C1GALT1: variants seen among roughly 807,000 people sequenced by gnomAD.
The protein encoded by C1GALT1 is core 1 synthase, glycoprotein-N-acetylgalactosamine 3-beta-galactosyltransferase 1.
Under a neutral mutation model 31.0 loss-of-function variants are expected in C1GALT1, and 11 were observed. The observed-to-expected ratio is 0.36, with a 90% CI of 0.22 to 0.59. The LOEUF (loss-of-function observed/expected upper bound fraction) is 0.59. Ranked by LOEUF, C1GALT1 falls within the 20% of genes least tolerant of loss-of-function variation. The pLI is 0.79. For synonymous variants in C1GALT1, 175 were observed against 143.6 expected (o/e 1.22, Z -1.56); for missense variants, 424 against 425.2 (o/e 1.00, Z 0.03).
At chr7:7,232,615 A>C (rs1229585331) in intron 1 of C1GALT1, among the ~76,000 whole-genome samples, 1 of 151,124 alleles carries the variant, frequency 6.6e-6, no homozygotes. Context: ...TCAGTCTCCC[A>C]GGTAGCTGGG....
chr7:7,239,045 A>C, intron 3 of C1GALT1, 123 bp downstream of exon 3: 1 of 776,424 alleles, frequency 1.3e-6, no homozygotes, highest in Non-Finnish European at 2.0e-6. Flanking sequence ...TAGTCTTTTT[A>C]AATAGAGTGG....
Position 7,234,340 on chromosome 7 carries a change from G to C in C1GALT1, c.21G>C (p.Leu7=), listed in dbSNP as rs770377590. The change falls in exon 2 of 4, where the codon CTG becomes CTC. Residue 7 remains leucine (L), a synonymous_variant. Coordinates refer to ENST00000436587, the MANE Select transcript of C1GALT1 (RefSeq NM_020156.5). ...GGGAAATGGCCTCTAAATCCTGGCTGAATTTTTTAACCTTCCTCTGTGGAT... is the reference window on the plus strand; with the variant it reads ...GGGAAATGGCCTCTAAATCCTGGCTCAATTTTTTAACCTTCCTCTGTGGAT... MASKSW[L]NFLTFLCGSA... is the part of the protein sequence containing the mutation. 36 of 1,613,644 alleles carry C rather than the reference G, an allele frequency of 2.2e-5. No individual in the cohort carries two copies. The highest frequency in any genetic ancestry group is 3.1e-5 in the Non-Finnish European group (36 of 1,179,838).
chr7:7,209,596 A>G (rs1421469920), intron 1 of C1GALT1: 1 of 152,252 alleles, frequency 6.6e-6, no homozygotes, highest in African/African-American at 2.4e-5. Flanking sequence ...GAACCTTGTA[A>G]TGGATAAGGA....
Position 7,243,521 on chromosome 7 carries a change from T to C in C1GALT1, c.889-3T>C, listed in dbSNP as rs1175855361. Reference sequence around the variant, plus strand: ...ACAATACCTGTTTCCACTACTTTTTTAGGGTCCTGGTTGCTGCTCTGATCT... The same window carrying C: ...ACAATACCTGTTTCCACTACTTTTTCAGGGTCCTGGTTGCTGCTCTGATCT... On this transcript the variant is annotated splice_region_variant and splice_polypyrimidine_tract_variant and intron_variant, in intron 3 of 3. Transcript: ENST00000436587. The C allele has an allele frequency of 6.3e-7, 1 of 1,585,446 alleles. No homozygotes were observed. The highest frequency in any genetic ancestry group is 1.9e-5 in the Admixed American group (1 of 52,654).
At chr7:7,234,686 C>A in intron 2 of C1GALT1, 147 bp downstream of exon 2, 2 of 601,112 alleles carry the variant, frequency 3.3e-6, no homozygotes, top group South Asian at 4.7e-5. Context: ...AAGGGAATTG[C>A]TAAAACTCAG....
chr7:7,171,592 A>G (rs866561879), intron 2 of C1GALT1, among the ~76,000 whole-genome samples: 75 of 152,202 alleles, frequency 4.9e-4, no homozygotes, highest in African/African-American at 1.6e-3. Flanking sequence ...TAAAATAATT[A>G]CTCATAATGA....
At chr7:7,237,627 A>G (rs2128250659) in intron 2 of C1GALT1, among the ~76,000 whole-genome samples, 1 of 152,286 alleles carries the variant, frequency 6.6e-6, no homozygotes, top group South Asian at 2.1e-4. Context: ...ACATTTTGGA[A>G]TGAGGTATGT....
At chr7:7,224,522 ATAT>A (rs1227291053) in intron 1 of C1GALT1, among the ~76,000 whole-genome samples, 1 of 152,198 alleles carries the variant, frequency 6.6e-6, no homozygotes, top group Non-Finnish European at 1.5e-5. Flanking sequence ...ATAAATAATT[ATAT>A]GGCTGTTCAA....
At chr7:7,195,671 T>C (rs967075523) in intron 1 of C1GALT1, among the ~76,000 whole-genome samples, 2 of 152,204 alleles carry the variant, frequency 1.3e-5, no homozygotes, top group Non-Finnish European at 2.9e-5. Flanking sequence ...GTTCTGTAAA[T>C]GTCTGTTAAG....
chr7:7,176,479 A>G (rs1394091610), intron 2 of C1GALT1, among the ~76,000 whole-genome samples: 2 of 152,176 alleles, frequency 1.3e-5, no homozygotes, highest in Non-Finnish European at 2.9e-5. Flanking sequence ...ACAATTAAGG[A>G]ACACTCCTGA....
intron 1 of C1GALT1, among the ~76,000 whole-genome samples, chr7:7,233,859 C>G (rs772276557): frequency 3.3e-5 from 5 of 151,970 alleles, no homozygotes; most frequent in African/African-American, 4.8e-5. Context: ...CACATGAGAC[C>G]CAAAAAGCCA....
At chr7:7,190,210 A>G (rs1489476381) in intron 1 of C1GALT1, among the ~76,000 whole-genome samples, 1 of 152,164 alleles carries the variant, frequency 6.6e-6, no homozygotes, top group East Asian at 1.9e-4. Flanking sequence ...TTTAAACGCA[A>G]CAATATTTGA....
chr7:7,230,657 G>A (rs1035840689), intron 1 of C1GALT1, among the ~76,000 whole-genome samples: 2 of 142,534 alleles, frequency 1.4e-5, no homozygotes, highest in African/African-American at 5.2e-5. Flanking sequence ...CCTTGATTTG[G>A]GGTATTTTCC....
chr7:7,208,709 C>T (rs1038428768), intron 1 of C1GALT1, among the ~76,000 whole-genome samples: 1 of 152,180 alleles, frequency 6.6e-6, no homozygotes, highest in African/African-American at 2.4e-5. Context: ...AAGTAGCAGT[C>T]AACAGTCAGA....
chr7:7,215,718 A>G lies in C1GALT1; in HGVS notation c.-17-18585A>G, dbSNP rs557002857. On this transcript the variant is annotated intron_variant, in intron 1 of 3. Coordinates refer to ENST00000436587, the MANE Select transcript of C1GALT1 (RefSeq NM_020156.5). ...TCCCTTTTGGCGTACTGTAGGAGAC[A>G]TATTGCTTATCTCCAAAATTCTCTT... is the stretch of plus-strand genomic sequence containing the variant. Among the ~76,000 whole-genome samples, 16 of 106,852 alleles carry G rather than the reference A, an allele frequency of 1.5e-4. No individual in the cohort carries two copies. The South Asian group carries it at 3.7e-3, about 24-fold the overall frequency. The allele number at this position is 106,852 out of a possible 152,430, so 70.1% of individuals were successfully genotyped here.
chr7:7,173,744 A>G (rs1780477671), intron 2 of C1GALT1, among the ~76,000 whole-genome samples: 1 of 152,136 alleles, frequency 6.6e-6, no homozygotes, highest in South Asian at 2.1e-4. Context: ...TCTATAAAAA[A>G]TACAAAAAAT....
At chr7:7,183,112 C>G (rs1780656849) in intron 1 of C1GALT1, among the ~76,000 whole-genome samples, 1 of 152,100 alleles carries the variant, frequency 6.6e-6, no homozygotes, top group Non-Finnish European at 1.5e-5. Flanking sequence ...CCCTTGTGCC[C>G]GCTCGCGCCC....
chr7:7,200,462 C>CAATT (rs1471757337), intron 1 of C1GALT1, among the ~76,000 whole-genome samples: 1 of 152,020 alleles, frequency 6.6e-6, no homozygotes, highest in Non-Finnish European at 1.5e-5. Flanking sequence ...TTCAGTCTGA[C>CAATT]AATTATGTGT....
chr7:7,240,327 A>G (rs1206876532), intron 3 of C1GALT1, among the ~76,000 whole-genome samples: 3 of 152,184 alleles, frequency 2.0e-5, no homozygotes, highest in African/African-American at 7.2e-5. Context: ...TGTCAGTAGT[A>G]CCATGGTTCA....
Sources: gnomAD v4.1 joint callset for allele counts (sites outside exome capture counted in the v4.1 genomes callset) on GRCh38, gnomAD v4.1.1 for gene constraint, MANE v1.5 for transcripts, NCBI Gene and HGNC (gene_info 2026-07-23, HGNC 2026-07-21) for gene names.